The following CSMD2 variants were observed in gnomAD, a reference collection of about 807,000 sequenced individuals.
CSMD2 encodes the protein CUB and sushi domain-containing protein 2.
In CSMD2, 130 loss-of-function variants were observed where a neutral mutation model predicts 398.5. The ratio of observed to expected loss-of-function variants is 0.33; its 90% CI spans 0.28 to 0.38. The LOEUF is 0.38. Ranked by LOEUF, CSMD2 falls within the 10% of genes least tolerant of loss-of-function variation. The pLI is 1.00. For missense variants in CSMD2, 3,829 were observed against 4,764.9 expected, an observed-to-expected ratio of 0.80 and a Z score of 5.78; for synonymous variants, 1,828 against 1,908.5, an observed-to-expected ratio of 0.96 and a Z score of 1.10.
intron 5 of CSMD2, among the ~76,000 whole-genome samples, chr1:33,908,489 G>C (rs899710366): frequency 9.9e-5 from 15 of 152,232 alleles, no homozygotes; most frequent in African/African-American, 3.1e-4. Context: ...AGGCCGCCTC[G>C]CAGATGAGGC....
At position 33,519,829 on chromosome 1, in the gene CSMD2, G is replaced by C. The variant is rs773148639; in HGVS notation, c.10719C>G (p.Leu3573=). ...CACGGTACCTGTGCTTGTAGAGATA[G>C]AGCACGAAGCCCGCAATAATGAGGG... ...FIALIIAGFV[L]YLYKHRRRPK... is the part of the protein sequence containing the mutation. The change falls in exon 69 of 71, where the codon CTC becomes CTG. Residue 3573 remains leucine (L), a synonymous_variant. Transcript: ENST00000373381. The surrounding 1 kb of genome is among the most constrained non-coding windows in gnomAD (Gnocchi z 5.6). 3 of 1,613,906 alleles carry C rather than the reference G, an allele frequency of 1.9e-6. No homozygotes were observed. In the South Asian group the frequency reaches 3.3e-5, roughly 18 times the overall value.
At chr1:34,027,863 CAGACAGCCCTACA>C (rs2148136075) in intron 3 of CSMD2, among the ~76,000 whole-genome samples, 1 of 151,744 alleles carries the variant, frequency 6.6e-6, no homozygotes, top group African/African-American at 2.4e-5. Context: ...CCTACATGGG[CAGACAGCCCTACA>C]TGGGCAGAGC....
intron 5 of CSMD2, among the ~76,000 whole-genome samples, chr1:33,908,085 C>CAAAAAAAAAAAAAAAA (rs35932181): frequency 1.3e-5 from 1 of 77,166 alleles, no homozygotes; most frequent in South Asian, 4.7e-4. Context: ...GACTCCATCT[C>CAAAAAAAAAAAAAAAA]AAAAAAAAAA....
rs192723242 is a variant in CSMD2 at position 33,773,784 on chromosome 1, G to A, written c.1664-1033C>T. Among the ~76,000 whole-genome samples the A allele has an allele frequency of 2.9e-3, 442 of 152,238 alleles. 3 individuals carry two copies. Among genetic ancestry groups the A allele is most frequent in the African/African-American group, 9.1e-3 (378 of 41,532 alleles). ...GTGAGGTGAGGACTGTATGAGTCCC[G>A]AGATTTGGGAGAGAGGGGCCCAGAG... On this transcript the variant is annotated intron_variant, in intron 12 of 70. Transcript: ENST00000373381.
intron 55 of CSMD2, among the ~76,000 whole-genome samples, chr1:33,556,321 T>C (rs776364550): frequency 1.3e-5 from 2 of 152,146 alleles, no homozygotes; most frequent in Non-Finnish European, 2.9e-5. Context: ...GCCAGAGTTC[T>C]CAAGCGAGGA....
chr1:33,541,231 G>C lies in CSMD2; in HGVS notation c.9356C>G (p.Thr3119Arg), dbSNP rs768746899. 6.2e-7 allele frequency: 1 copy of C among 1,613,928 alleles called. No homozygotes were observed. The highest frequency in any genetic ancestry group is 1.1e-5 in the South Asian group (1 of 91,068). Residue 3119 changes from threonine to arginine, a missense_variant, in exon 59 of 71, where the codon ACA (threonine) becomes AGA (arginine). Physicochemically the swap from Thr to Arg is moderately conservative, Grantham distance 71. Coordinates refer to ENST00000373381, the MANE Select transcript of CSMD2 (RefSeq NM_001281956.2). ...CATATAGCCAGGGACACACTGATATGTCACAGTTTTGTTGTACCTGAAGTC... is the reference window on the plus strand; with the variant it reads ...CATATAGCCAGGGACACACTGATATCTCACAGTTTTGTTGTACCTGAAGTC... ...GNDFRYNKTVTYQCVPGYMME... is the reference protein window; with the variant it reads ...GNDFRYNKTVRYQCVPGYMME...
At chr1:33,580,683 G>T in intron 48 of CSMD2, 70 bp downstream of exon 48, 2 of 1,558,864 alleles carry the variant, frequency 1.3e-6, no homozygotes, top group Non-Finnish European at 1.7e-6. Context: ...TGGCCGCCCG[G>T]TCTCCACAGA....
chr1:34,050,764 T>C (rs993654794), intron 2 of CSMD2, among the ~76,000 whole-genome samples: 1 of 152,226 alleles, frequency 6.6e-6, no homozygotes, highest in African/African-American at 2.4e-5. Flanking sequence ...TCCTGTTCTA[T>C]GACCTTATGC....
At chr1:33,623,257 G>A in intron 36 of CSMD2, 113 bp downstream of exon 36, 1 of 768,898 alleles carries the variant, frequency 1.3e-6, no homozygotes, top group Non-Finnish European at 2.2e-6. Flanking sequence ...TGAAAATGGT[G>A]AATTTCATGG....
rs924945669 is a variant in CSMD2 at position 33,700,716 on chromosome 1, C to A, written c.3577-43G>T. On this transcript the variant is annotated intron_variant, in intron 22 of 70. Transcript: ENST00000373381. Reference sequence around the variant, plus strand: ...CCCCAACCCAATGTCGTCAGCATGGCCTTATGTTGAACAACACCTCCTTAC... The same window carrying A: ...CCCCAACCCAATGTCGTCAGCATGGACTTATGTTGAACAACACCTCCTTAC... 6.2e-6 allele frequency: 10 copies of A among 1,605,784 alleles called. No individual in the cohort carries two copies. The Admixed American group carries it at 1.5e-4, about 24-fold the overall frequency.
At chr1:33,963,724 G>A (rs942790541) in intron 3 of CSMD2, among the ~76,000 whole-genome samples, 1 of 152,202 alleles carries the variant, frequency 6.6e-6, no homozygotes, top group Non-Finnish European at 1.5e-5. Flanking sequence ...CATCCATGCT[G>A]TTGCTTGTAT....
chr1:33,849,078 T>G (rs1291858899), intron 5 of CSMD2, among the ~76,000 whole-genome samples: 2 of 152,190 alleles, frequency 1.3e-5, no homozygotes, highest in Non-Finnish European at 2.9e-5. Context: ...CACCTCCCAT[T>G]TCTCCCACAC....
At chr1:33,608,385 A>C (rs545105993) in intron 41 of CSMD2, among the ~76,000 whole-genome samples, 1 of 152,296 alleles carries the variant, frequency 6.6e-6, no homozygotes, top group East Asian at 1.9e-4. Flanking sequence ...TGTCCCTGGC[A>C]CAATGGTGGC....
chr1:33,550,270 AC>A lies in CSMD2; in HGVS notation c.8823del (p.Tyr2942ThrfsTer59). ...AGAGTACGCTTGCCGATGCAGCTGT[AC>A]CGCACCACTGCTCCCACAGTATAAC... ...GDSYTVGAVV[R>X]YSCIGKRTLV... On this transcript the variant is annotated frameshift_variant, in exon 56 of 71. Transcript: ENST00000373381. LOFTEE classifies it high-confidence loss of function. 1 of 1,614,220 alleles carries A rather than the reference AC, an allele frequency of 6.2e-7. No homozygotes were observed. The highest frequency in any genetic ancestry group is 1.3e-5 in the African/African-American group (1 of 75,062).
At chr1:33,602,654 G>C in intron 42 of CSMD2, 108 bp from the exon 43 acceptor site, 2 of 1,041,740 alleles carry the variant, frequency 1.9e-6, no homozygotes, top group South Asian at 3.8e-5. Flanking sequence ...ATCCTGTCAG[G>C]GAGGTTGGGT....
intron 4 of CSMD2, among the ~76,000 whole-genome samples, chr1:33,929,983 C>T (rs929606806): frequency 3.4e-4 from 52 of 152,288 alleles, no homozygotes; most frequent in African/African-American, 1.2e-3. Context: ...TTTACTTCCT[C>T]GTAGCTCCTA....
chr1:34,004,707 A>G (rs487472), intron 3 of CSMD2, among the ~76,000 whole-genome samples: 86,901 of 151,944 alleles, frequency 0.57, 25,890 homozygotes, highest in African/African-American at 0.74. Context: ...TGCAATTGAG[A>G]ATATATGAAA....
intron 13 of CSMD2, among the ~76,000 whole-genome samples, chr1:33,745,419 T>A (rs1647266472): frequency 6.6e-6 from 1 of 152,200 alleles, no homozygotes; most frequent in African/African-American, 2.4e-5. Context: ...ATTTATAACA[T>A]TTATATAGAT....
intron 25 of CSMD2, among the ~76,000 whole-genome samples, chr1:33,689,925 A>T (rs2149090785): frequency 6.6e-6 from 1 of 152,340 alleles, no homozygotes; most frequent in East Asian, 1.9e-4. Flanking sequence ...TTGTTGTCAC[A>T]AACAGTAGTT....
Sources: allele counts gnomAD v4.1 joint callset (sites outside exome capture counted in the v4.1 genomes callset), GRCh38; gene constraint gnomAD v4.1.1; non-coding constraint Gnocchi (gnomAD v3.1); transcripts MANE v1.5; gene names NCBI Gene and HGNC (gene_info 2026-07-23, HGNC 2026-07-21).